The following DPYSL4 variants were observed in gnomAD, a reference collection of about 807,000 sequenced individuals.
The protein encoded by DPYSL4 is dihydropyrimidinase-related protein 4.
Under a neutral mutation model 63.4 loss-of-function variants are expected in DPYSL4, and 43 were observed. The observed-to-expected ratio is 0.68, with a 90% CI of 0.53 to 0.88. The LOEUF (loss-of-function observed/expected upper bound fraction) is 0.88. Ranked by LOEUF, DPYSL4 falls within the 40% of genes least tolerant of loss-of-function variation. The probability of loss-of-function intolerance (pLI) is 0.00; values close to 1 mark genes in which losing one functional copy is unlikely to be tolerated. For synonymous variants in DPYSL4, 353 were observed against 331.7 expected (o/e 1.06, Z -0.70); for missense variants, 733 against 819.5 (o/e 0.89, Z 1.29).
chr10:132,203,685 TCATGCCC>T, intron 12 of DPYSL4, 70 bp from the exon 13 acceptor site: 3 of 1,320,250 alleles, frequency 2.3e-6, no homozygotes, highest in Non-Finnish European at 2.0e-6. Context: ...GCTCAGCCCC[TCATGCCC>T]CATCTCTGGC....
intron 13 of DPYSL4, among the ~76,000 whole-genome samples, chr10:132,204,570 G>A (rs1335862974): frequency 2.6e-5 from 4 of 152,116 alleles, no homozygotes; most frequent in Non-Finnish European, 4.4e-5. Flanking sequence ...GGACTGGCCC[G>A]GGTTCCTCTC....
chr10:132,195,491 T>G (rs1284449095), intron 4 of DPYSL4, among the ~76,000 whole-genome samples: 3 of 152,226 alleles, frequency 2.0e-5, no homozygotes, highest in Non-Finnish European at 4.4e-5. Context: ...TATCTGATTA[T>G]AGCCGATCTC....
At chr10:132,190,227 G>A (rs542232381) in intron 1 of DPYSL4, among the ~76,000 whole-genome samples, 2 of 152,386 alleles carry the variant, frequency 1.3e-5, no homozygotes, top group South Asian at 2.1e-4. Context: ...CTCCTGGGGT[G>A]GGGACCATGC....
At chr10:132,196,816 TCTGA>T (rs1206840834) in intron 4 of DPYSL4, 41 bp from the exon 5 acceptor site, 1 of 1,608,082 alleles carries the variant, frequency 6.2e-7, no homozygotes, top group Non-Finnish European at 8.5e-7. Context: ...CCGTAGGTTG[TCTGA>T]CTGGTGATGG....
At chr10:132,204,340 G>A (rs1469518795) in intron 13 of DPYSL4, among the ~76,000 whole-genome samples, 1 of 152,176 alleles carries the variant, frequency 6.6e-6, no homozygotes, top group Admixed American at 6.5e-5. Context: ...GTGTCCCGGG[G>A]CCTGGAGGGA....
chr10:132,196,722 A>T, intron 4 of DPYSL4, 139 bp from the exon 5 acceptor site: 1 of 943,430 alleles, frequency 1.1e-6, no homozygotes, highest in Non-Finnish European at 1.6e-6. Context: ...GACTGCTCCC[A>T]GGGCTGGCAA....
rs1185533741 is a variant in DPYSL4, at chr10:132,187,482, C to T, written c.39+380C>T. ...CGGAGCGCTAGCGGCTCCTTTCTCC[C>T]ACGGCGGTCGGGTGGCGAGGCGGGC... On this transcript the variant is annotated intron_variant, in intron 1 of 13. Coordinates refer to ENST00000338492, the MANE Select transcript of DPYSL4 (RefSeq NM_006426.3). 3.9e-5 allele frequency among the ~76,000 whole-genome samples: 6 copies of T among 152,048 alleles called. No homozygotes were observed. The East Asian group carries it at 9.7e-4, about 25-fold the overall frequency.
intron 3 of DPYSL4, among the ~76,000 whole-genome samples, chr10:132,193,169 G>A (rs1396270474): frequency 6.6e-6 from 1 of 152,118 alleles, no homozygotes; most frequent in Non-Finnish European, 1.5e-5. Context: ...CGAGGGGAGG[G>A]GTCATGCTGT....
chr10:132,192,808 C>T lies in DPYSL4; in HGVS notation c.279C>T (p.Thr93=), dbSNP rs535322546. The T allele has an allele frequency of 2.5e-6, 4 of 1,612,572 alleles. 1 individual carries two copies. The South Asian group carries it at 4.4e-5, about 18-fold the overall frequency. The change falls in exon 3 of 14, where the codon ACC becomes ACT. Residue 93 remains threonine (T), a synonymous_variant. Coordinates refer to ENST00000338492, the MANE Select transcript of DPYSL4 (RefSeq NM_006426.3). ...CGGCTGACGACTTCTGTCAGGGCAC[C>T]AAGGCAGCGCTAGCAGGAGGAACCA... ...MTPADDFCQG[T]KAALAGGTTM...
intron 1 of DPYSL4, among the ~76,000 whole-genome samples, chr10:132,188,945 G>A (rs2061837945): frequency 6.6e-6 from 1 of 152,232 alleles, no homozygotes; most frequent in Non-Finnish European, 1.5e-5. Context: ...TGGGGTAGAG[G>A]TTGACAAGTC....
Position 132,203,867 on chromosome 10 carries a change from C to G in DPYSL4, c.1567C>G (p.Pro523Ala). The change falls in exon 13 of 14, where the codon CCA (proline) becomes GCA (alanine). Residue 523 changes from proline (P) to alanine (A), a missense_variant. By Grantham distance (27) the Pro-to-Ala change is conservative (BLOSUM62 -1). Coordinates refer to ENST00000338492, the MANE Select transcript of DPYSL4 (RefSeq NM_006426.3). ...GSGAPARASC[P>A]GKISVPPVRN... ...TGGCGCTCCGGCCCGCGCGTCCTGCCCAGGCAAGATCTCCGTCCCTCCTGT... is the reference window on the plus strand; with the variant it reads ...TGGCGCTCCGGCCCGCGCGTCCTGCGCAGGCAAGATCTCCGTCCCTCCTGT... 6.2e-7 allele frequency: 1 copy of G among 1,613,062 alleles called. No homozygotes were observed. Among genetic ancestry groups the G allele is most frequent in the Non-Finnish European group, 8.5e-7 (1 of 1,179,786 alleles).
rs575510221 is a variant in DPYSL4, at chr10:132,198,794, A to G, written c.691-57A>G. On this transcript the variant is annotated intron_variant, in intron 7 of 13. Coordinates refer to ENST00000338492, the MANE Select transcript of DPYSL4 (RefSeq NM_006426.3). ...ACACCTGGGCATCCCCATTGCCCAC[A>G]CTGGTCTGGAGCCCCAGGGCCCTCG... 297 of 1,600,380 alleles carry G rather than the reference A, an allele frequency of 1.9e-4. 1 individual carries two copies. In the African/African-American group the frequency reaches 2.7e-3, roughly 15 times the overall value.
Position 132,204,831 on chromosome 10 carries a change from T to C in DPYSL4, c.1628-8T>C. ...ATTCTCCCCTGCCCATCTGTGCCCT[T>C]TCTTCAGGGTCTCAGGCTGATGACC... is the stretch of plus-strand genomic sequence containing the variant. On this transcript the variant is annotated splice_polypyrimidine_tract_variant and splice_region_variant and intron_variant, in intron 13 of 13. Coordinates refer to ENST00000338492, the MANE Select transcript of DPYSL4 (RefSeq NM_006426.3). 1 of 1,602,780 alleles carries C rather than the reference T, an allele frequency of 6.2e-7. No homozygotes were observed. Among genetic ancestry groups the C allele is most frequent in the Non-Finnish European group, 8.5e-7 (1 of 1,173,808 alleles).
intron 4 of DPYSL4, among the ~76,000 whole-genome samples, chr10:132,195,499 C>T (rs1340539277): frequency 6.6e-6 from 1 of 152,214 alleles, no homozygotes; most frequent in East Asian, 1.9e-4. Flanking sequence ...TATAGCCGAT[C>T]TCTCCTAATC....
intron 11 of DPYSL4, among the ~76,000 whole-genome samples, 186 bp from the exon 12 acceptor site, chr10:132,202,460 C>T (rs757891874): frequency 4.6e-5 from 7 of 152,338 alleles, no homozygotes; most frequent in Admixed American, 6.5e-5. Flanking sequence ...AAACGAGGTC[C>T]GTAGGCCGAG....
Position 132,192,653 on chromosome 10 carries a change from T to C in DPYSL4, c.129-5T>C. 1 of 1,597,646 alleles carries C rather than the reference T, an allele frequency of 6.3e-7. No homozygotes were observed. The highest frequency in any genetic ancestry group is 1.1e-5 in the South Asian group (1 of 88,858). ...TGTAACCAGTGAAATCTCTGCTGCT[T>C]TCAGACAAATCGGAGAAAACCTCAT... On this transcript the variant is annotated splice_region_variant and splice_polypyrimidine_tract_variant and intron_variant, in intron 2 of 13. Coordinates refer to ENST00000338492, the MANE Select transcript of DPYSL4 (RefSeq NM_006426.3).
In DPYSL4 at chr10:132,196,961, C is replaced by T. The variant is rs770880263; in HGVS notation, c.540+39C>T. ...TGGGGAACGGAGTGGGCAGGTATAT[C>T]CCAGGCCGCTGCTGGTGCAGGCGCA... is the stretch of plus-strand genomic sequence containing the variant. On this transcript the variant is annotated intron_variant, in intron 5 of 13. Transcript: ENST00000338492. The T allele has an allele frequency of 1.5e-5, 24 of 1,613,374 alleles. No individual in the cohort carries two copies. The South Asian group carries it at 2.3e-4, about 15-fold the overall frequency.
At chr10:132,199,069 G>T in intron 8 of DPYSL4, 98 bp downstream of exon 8, 2 of 1,479,068 alleles carry the variant, frequency 1.4e-6, no homozygotes, top group South Asian at 2.6e-5. Context: ...CCCTGCATCG[G>T]GGCGGGGCAC....
At chr10:132,193,002 C>T (rs1182735040) in intron 3 of DPYSL4, among the ~76,000 whole-genome samples, 160 bp downstream of exon 3, 5 of 152,162 alleles carry the variant, frequency 3.3e-5, no homozygotes, top group African/African-American at 9.7e-5. Flanking sequence ...TTTTCTAATC[C>T]CTGTGTCTCA....
Sources: gnomAD v4.1 joint callset for allele counts (sites outside exome capture counted in the v4.1 genomes callset) on GRCh38, gnomAD v4.1.1 for gene constraint, MANE v1.5 for transcripts, NCBI Gene and HGNC (gene_info 2026-07-23, HGNC 2026-07-21) for gene names.